AGAP1: variants seen among roughly 807,000 people sequenced by gnomAD.
The protein encoded by AGAP1 is ArfGAP with GTPase domain, ankyrin repeat and PH domain 1, also known as arf-GAP with GTPase, ANK repeat and PH domain-containing protein 1.
Under a neutral mutation model 105.3 loss-of-function variants are expected in AGAP1, and 29 were observed. That is an observed-to-expected ratio of 0.28 (90% CI 0.21 to 0.38). AGAP1 has a LOEUF of 0.38. Among genes scored for constraint, AGAP1 ranks in the 10% least tolerant of loss-of-function variants. AGAP1 has a pLI of 1.00. For missense variants in AGAP1, 998 were observed against 1,165.1 expected (o/e 0.86, Z 2.09); for synonymous variants, 509 against 485.9 (o/e 1.05, Z -0.63).
rs545327404 is a variant in AGAP1 at position 235,555,493 on chromosome 2, G to A, written c.163+60644G>A. Among the ~76,000 whole-genome samples the A allele has an allele frequency of 3.3e-5, 5 of 152,298 alleles. No homozygotes were observed. The highest frequency in any genetic ancestry group is 1.9e-4 in the East Asian group (1 of 5,182). ...GCACATCCAGGGCTGGACTGGGGCC[G>A]GCATGGGGGTCACTGGCTGCAAGCG... On this transcript the variant is annotated intron_variant, in intron 1 of 17. Coordinates refer to ENST00000304032, the MANE Select transcript of AGAP1 (RefSeq NM_001037131.3). This position sits in a 1 kb window ranked among gnomAD's most constrained non-coding sequence, Gnocchi z 5.1.
chr2:236,033,069 A>G (rs969200545), intron 13 of AGAP1, among the ~76,000 whole-genome samples: 11 of 152,060 alleles, frequency 7.2e-5, no homozygotes. Flanking sequence ...AACATGGTGA[A>G]ACCCTGTCTC....
At chr2:235,886,474 A>G (rs1294184226) in intron 10 of AGAP1, among the ~76,000 whole-genome samples, 2 of 152,224 alleles carry the variant, frequency 1.3e-5, no homozygotes, top group African/African-American at 4.8e-5. Context: ...TGAGTATATA[A>G]TCACAACCAG....
At position 236,044,600 on chromosome 2, in the gene AGAP1, G is replaced by A. The variant is rs768580750; in HGVS notation, c.1891+3759G>A. Among the ~76,000 whole-genome samples, 8 of 152,024 alleles carry A rather than the reference G, an allele frequency of 5.3e-5. No homozygotes were observed. The highest frequency in any genetic ancestry group is 8.8e-5 in the Non-Finnish European group (6 of 68,004). ...GAACCCCAGGCCTGCACACAAGAGG[G>A]GACTGGCACCCACCACTACCACCAG... On this transcript the variant is annotated intron_variant, in intron 15 of 17. Coordinates refer to ENST00000304032, the MANE Select transcript of AGAP1 (RefSeq NM_001037131.3). This position sits in a 1 kb window ranked among gnomAD's most constrained non-coding sequence, Gnocchi z 5.7.
At chr2:235,591,466 G>GGCTT (rs910697918) in intron 1 of AGAP1, among the ~76,000 whole-genome samples, 2 of 152,184 alleles carry the variant, frequency 1.3e-5, no homozygotes, top group Non-Finnish European at 2.9e-5. Flanking sequence ...TGGGTTTAGA[G>GGCTT]GCTTAATCCC....
chr2:235,600,968 T>A lies in AGAP1; in HGVS notation c.163+106119T>A, dbSNP rs377048184. Among the ~76,000 whole-genome samples, 14 of 152,262 alleles carry A rather than the reference T, an allele frequency of 9.2e-5. No homozygotes were observed. Among genetic ancestry groups the A allele is most frequent in the African/African-American group, 3.1e-4 (13 of 41,572 alleles). ...TGCTCACTTTATTTTTACTGCTTGT[T>A]GTTCTGGCCCCAGATCTCAGAGTCC... On this transcript the variant is annotated intron_variant, in intron 1 of 17. Transcript: ENST00000304032. The surrounding 1 kb of genome is among the most constrained non-coding windows in gnomAD (Gnocchi z 4.8).
chr2:235,722,891 T>TG (rs1951458593), intron 3 of AGAP1, among the ~76,000 whole-genome samples: 1 of 144,412 alleles, frequency 6.9e-6, no homozygotes, highest in East Asian at 2.0e-4. Context: ...GCAAATGAGC[T>TG]AAAAAAAAAA....
At chr2:235,776,681 C>G (rs1402994865) in intron 6 of AGAP1, among the ~76,000 whole-genome samples, 2 of 152,200 alleles carry the variant, frequency 1.3e-5, no homozygotes, top group African/African-American at 4.8e-5. Context: ...AGAGAGCCTC[C>G]TGTGTTGCAG....
Position 235,919,042 on chromosome 2 carries a change from T to C in AGAP1, c.1324+10136T>C, listed in dbSNP as rs891152792. 6.6e-6 allele frequency among the ~76,000 whole-genome samples: 1 copy of C among 152,184 alleles called. No homozygotes were observed. The highest frequency in any genetic ancestry group is 2.4e-5 in the African/African-American group (1 of 41,456). ...ACTTTTTTTCTCTCAAAAATGTGTGTGGGCAGGGAGGAATAGTGTTTCAGC... is the reference window on the plus strand; with the variant it reads ...ACTTTTTTTCTCTCAAAAATGTGTGCGGGCAGGGAGGAATAGTGTTTCAGC... On this transcript the variant is annotated intron_variant, in intron 11 of 17. Coordinates refer to ENST00000304032, the MANE Select transcript of AGAP1 (RefSeq NM_001037131.3). The surrounding 1 kb of genome is among the most constrained non-coding windows in gnomAD (Gnocchi z 4.1).
chr2:236,015,757 A>G (rs1268748327), intron 13 of AGAP1, among the ~76,000 whole-genome samples: 1 of 152,174 alleles, frequency 6.6e-6, no homozygotes, highest in Non-Finnish European at 1.5e-5. Context: ...GGGTCAAGTA[A>G]TCGCAAGCTC....
chr2:235,521,142 A>T (rs1942597163), intron 1 of AGAP1, among the ~76,000 whole-genome samples: 1 of 152,222 alleles, frequency 6.6e-6, no homozygotes, highest in Non-Finnish European at 1.5e-5. Context: ...CAGTGTGACC[A>T]CCAGAATGAG....
rs1460880590 is a variant in AGAP1 at position 235,656,968 on chromosome 2, A to AC, written c.164-52210dup. On this transcript the variant is annotated intron_variant, in intron 1 of 17. Transcript: ENST00000304032. Reference sequence around the variant, plus strand: ...GATTATGATTTAATATTTCAGCAAGACATGCATGATTTTAAATGAATCCAA... The same window carrying AC: ...GATTATGATTTAATATTTCAGCAAGACCATGCATGATTTTAAATGAATCCAA... Among the ~76,000 whole-genome samples the AC allele has an allele frequency of 5.3e-5, 8 of 152,230 alleles. No homozygotes were observed. In the East Asian group the frequency reaches 1.2e-3, roughly 22 times the overall value.
In AGAP1 at chr2:236,055,754, A is replaced by T. The variant is rs751679099; in HGVS notation, c.2114+6473A>T. Among the ~76,000 whole-genome samples the T allele has an allele frequency of 3.9e-5, 6 of 152,242 alleles. No homozygotes were observed. The highest frequency in any genetic ancestry group is 7.3e-5 in the Non-Finnish European group (5 of 68,046). ...TATACATCCTCGGCTATGCAAACGC[A>T]ACAGCTGCTCAGGGACCTCAGCCCT... On this transcript the variant is annotated intron_variant, in intron 16 of 17. Transcript: ENST00000304032. The surrounding 1 kb of genome is among the most constrained non-coding windows in gnomAD (Gnocchi z 6.2).
chr2:235,824,949 C>CT lies in AGAP1; in HGVS notation c.1050+17625dup, dbSNP rs200589147. The stretch of plus-strand genomic sequence containing the variant: ...TTCTTTCCCCCTAATGGAAACCTTC[C>CT]TTTTTTTATCAACAGTGGAGGAGAT... On this transcript the variant is annotated intron_variant, in intron 9 of 17. Coordinates refer to ENST00000304032, the MANE Select transcript of AGAP1 (RefSeq NM_001037131.3). The surrounding 1 kb of genome is among the most constrained non-coding windows in gnomAD (Gnocchi z 5.2). Among the ~76,000 whole-genome samples the CT allele has an allele frequency of 9.7e-4, 147 of 152,260 alleles. 2 individuals are homozygous for CT. In the East Asian group the frequency reaches 0.02, roughly 21 times the overall value.
At chr2:235,949,221 G>T (rs895659698) in intron 12 of AGAP1, among the ~76,000 whole-genome samples, 2 of 152,138 alleles carry the variant, frequency 1.3e-5, no homozygotes, top group Admixed American at 1.3e-4. Flanking sequence ...TCCAAAATCC[G>T]AAGGGCTCCA....
intron 1 of AGAP1, among the ~76,000 whole-genome samples, chr2:235,616,779 G>A (rs1946320106): frequency 6.6e-6 from 1 of 152,134 alleles, no homozygotes; most frequent in Admixed American, 6.5e-5. Context: ...AAAACAAATA[G>A]TGAAAACAAA....
rs1369756668 is a variant in AGAP1 at position 235,879,920 on chromosome 2, C to T, written c.1051-3425C>T. ...GTACACTGCACTCCAACCTGGGCAA[C>T]AGAGCGAGACCTTATCTCTACAAAA... On this transcript the variant is annotated intron_variant, in intron 9 of 17. Coordinates refer to ENST00000304032, the MANE Select transcript of AGAP1 (RefSeq NM_001037131.3). This position sits in a 1 kb window ranked among gnomAD's most constrained non-coding sequence, Gnocchi z 5.0. Among the ~76,000 whole-genome samples the T allele has an allele frequency of 6.6e-6, 1 of 151,994 alleles. No homozygotes were observed. The highest frequency in any genetic ancestry group is 6.6e-5 in the Admixed American group (1 of 15,244).
intron 11 of AGAP1, among the ~76,000 whole-genome samples, chr2:235,924,150 C>T (rs2052331444): frequency 1.3e-5 from 2 of 152,104 alleles, no homozygotes; most frequent in Non-Finnish European, 2.9e-5. Context: ...TTGCAAGATA[C>T]TACCTTAAGT....
chr2:235,790,958 C>T (rs1956940557), intron 6 of AGAP1, among the ~76,000 whole-genome samples: 1 of 152,194 alleles, frequency 6.6e-6, no homozygotes, highest in African/African-American at 2.4e-5. Flanking sequence ...CCATGGTTCA[C>T]TGATTGTCAT....
In AGAP1 at chr2:235,517,969, A is replaced by T. The variant is rs4663602; in HGVS notation, c.163+23120A>T. ...AAAAGAAAAAAAAAAGGTAGAACTC[A>T]TAGTTGCCATTGAGGTCTGAGTCCC... On this transcript the variant is annotated intron_variant, in intron 1 of 17. Transcript: ENST00000304032. The surrounding 1 kb of genome is among the most constrained non-coding windows in gnomAD (Gnocchi z 4.1). Among the ~76,000 whole-genome samples, 1 of 150,582 alleles carries T rather than the reference A, an allele frequency of 6.6e-6. No homozygotes were observed. Among genetic ancestry groups the T allele is most frequent in the Non-Finnish European group, 1.5e-5 (1 of 67,846 alleles).
Sources: gnomAD v4.1 joint callset for allele counts (sites outside exome capture counted in the v4.1 genomes callset) on GRCh38, gnomAD v4.1.1 for gene constraint, Gnocchi (gnomAD v3.1) non-coding constraint, MANE v1.5 for transcripts, NCBI Gene and HGNC (gene_info 2026-07-23, HGNC 2026-07-21) for gene names.